The following PCDHA6 variants were observed in gnomAD, a reference collection of about 807,000 sequenced individuals.
PCDHA6 encodes the protein protocadherin alpha 6, also known as protocadherin alpha-6.
A neutral mutation model predicts 60.3 loss-of-function variants in PCDHA6; 55 were observed. That is an observed-to-expected ratio of 0.91 (90% CI 0.73 to 1.14). The LOEUF (loss-of-function observed/expected upper bound fraction) is 1.14. Among genes scored for constraint, PCDHA6 ranks in the 50% most tolerant of loss-of-function variants. The probability of loss-of-function intolerance (pLI) is 0.00; values close to 1 mark genes in which losing one functional copy is unlikely to be tolerated. For missense variants in PCDHA6, 1,327 were observed against 1,256.5 expected (o/e 1.06, Z -0.85); for synonymous variants, 652 against 557.9 (o/e 1.17, Z -2.38).
At chr5:140,838,277 C>T (rs1372363386) in intron 1 of PCDHA6, among the ~76,000 whole-genome samples, 8 of 74,794 alleles carry the variant, frequency 1.1e-4, no homozygotes, top group East Asian at 6.5e-4. Flanking sequence ...CCAAGCCATG[C>T]TAATTTTTTT....
At chr5:140,860,192 C>CATATATATATATATATATATATATAT (rs143984774) in intron 1 of PCDHA6, 76 of 146,806 alleles carry the variant, frequency 5.2e-4, no homozygotes, top group Middle Eastern at 3.6e-3. Flanking sequence ...GCTCTCCTTA[C>CATATATATATATATATATATATATAT]ATATATATCT....
At chr5:141,008,206 G>A (rs979113429) in intron 3 of PCDHA6, among the ~76,000 whole-genome samples, 1 of 152,184 alleles carries the variant, frequency 6.6e-6, no homozygotes, top group African/African-American at 2.4e-5. Flanking sequence ...TAATGAACTT[G>A]ACATGAGTTA....
intron 1 of PCDHA6, among the ~76,000 whole-genome samples, chr5:140,930,626 A>G (rs1554207971): frequency 6.6e-6 from 1 of 152,220 alleles, no homozygotes; most frequent in Non-Finnish European, 1.5e-5. Flanking sequence ...GGAGGTGTGT[A>G]GAAATTAAGG....
chr5:140,905,611 T>A (rs1396340503), intron 1 of PCDHA6, among the ~76,000 whole-genome samples: 1 of 152,224 alleles, frequency 6.6e-6, no homozygotes, highest in African/African-American at 2.4e-5. Flanking sequence ...ATTGAATCTA[T>A]AGATTGCTTT....
rs1554131961 is a variant in PCDHA6, at chr5:140,829,444, T to C, written c.1353T>C (p.Asn451=). Residue 451 remains asparagine, a synonymous_variant, in exon 1 of 4, where the codon AAT becomes AAC. Coordinates refer to ENST00000529310, the MANE Select transcript of PCDHA6 (RefSeq NM_018909.4). Reference sequence around the variant, plus strand: ...TGGAGGTGGCCGACATGAATGACAATGCTCCGGCGTTCGCGCAGCCCGAGT... The same window carrying C: ...TGGAGGTGGCCGACATGAATGACAACGCTCCGGCGTTCGCGCAGCCCGAGT... ...LSVEVADMND[N]APAFAQPEYT... is the part of the protein sequence containing the mutation. 6.8e-6 allele frequency: 11 copies of C among 1,613,940 alleles called. No homozygotes were observed. The East Asian group carries it at 1.3e-4, about 20-fold the overall frequency.
intron 1 of PCDHA6, chr5:140,870,001 G>C (rs782788057): frequency 1.2e-6 from 2 of 1,613,448 alleles, no homozygotes; most frequent in African/African-American, 1.3e-5. Context: ...AAATAATGGA[G>C]AAGTGAGGGT....
chr5:141,005,701 C>CAAAAAA (rs59860837), intron 3 of PCDHA6, among the ~76,000 whole-genome samples: 13 of 7,792 alleles, frequency 1.7e-3, no homozygotes, highest in East Asian at 3.2e-3. Context: ...AACTCCGTCT[C>CAAAAAA]AAAAAAAAAA....
intron 1 of PCDHA6, among the ~76,000 whole-genome samples, chr5:140,932,700 A>G (rs1584752908): frequency 6.6e-6 from 1 of 151,992 alleles, no homozygotes; most frequent in East Asian, 1.9e-4. Flanking sequence ...AAAAACTCAT[A>G]TAGACAACAC....
intron 1 of PCDHA6, among the ~76,000 whole-genome samples, chr5:140,951,140 C>G (rs1322025119): frequency 9.9e-6 from 1 of 100,842 alleles, no homozygotes; most frequent in Non-Finnish European, 2.0e-5. Context: ...TTTCCTTTAT[C>G]TTATTGAATA....
chr5:140,841,773 G>C (rs1292935559), intron 1 of PCDHA6: 2 of 1,613,894 alleles, frequency 1.2e-6, no homozygotes, highest in East Asian at 4.5e-5. Flanking sequence ...CCAGACTCTC[G>C]GTTTCCGCTA....
At chr5:140,841,950 T>C (rs1580983640) in intron 1 of PCDHA6, 1 of 1,613,892 alleles carries the variant, frequency 6.2e-7, no homozygotes. Context: ...GCGCACCACT[T>C]ATTCCTGACA....
intron 3 of PCDHA6, among the ~76,000 whole-genome samples, chr5:141,006,150 G>A (rs1035867146): frequency 1.1e-4 from 16 of 151,274 alleles, no homozygotes; most frequent in Admixed American, 6.6e-5. Flanking sequence ...AAGCAGAGGA[G>A]TGATATAATC....
chr5:140,877,121 C>A, intron 1 of PCDHA6: 1 of 1,613,694 alleles, frequency 6.2e-7, no homozygotes, highest in African/African-American at 1.3e-5. Flanking sequence ...AGCAACGTGA[C>A]GCTGCAGGTG....
At chr5:140,976,742 AC>A (rs1170747899) in intron 1 of PCDHA6, among the ~76,000 whole-genome samples, 1 of 151,778 alleles carries the variant, frequency 6.6e-6, no homozygotes, top group Admixed American at 6.6e-5. Context: ...CATTTTAAAA[AC>A]CTCCCAGATG....
At chr5:140,834,546 G>C in intron 1 of PCDHA6, 1 of 1,614,062 alleles carries the variant, frequency 6.2e-7, no homozygotes, top group South Asian at 1.1e-5. Flanking sequence ...CCTGGGGCTG[G>C]AGCTGGCGGA....
intron 1 of PCDHA6, among the ~76,000 whole-genome samples, chr5:140,839,879 G>A (rs1448032566): frequency 6.6e-6 from 1 of 151,996 alleles, no homozygotes; most frequent in East Asian, 1.9e-4. Flanking sequence ...AAGATGAATA[G>A]AATTTTGACA....
At position 141,003,524 on chromosome 5, in the gene PCDHA6, G is replaced by T. The variant is rs2098128799; in HGVS notation, c.2543-6103G>T. On this transcript the variant is annotated intron_variant, in intron 3 of 3. Coordinates refer to ENST00000529310, the MANE Select transcript of PCDHA6 (RefSeq NM_018909.4). ...GATGGGGTTTCACCATGTTCCCTAG[G>T]CTGGTCTTGAACTCCTGGCTTCAAG... 4.6e-5 allele frequency among the ~76,000 whole-genome samples: 7 copies of T among 152,070 alleles called. No individual in the cohort carries two copies. In the South Asian group the frequency reaches 1.5e-3, roughly 32 times the overall value.
intron 1 of PCDHA6, chr5:140,850,152 G>T (rs2150469849): frequency 1.3e-6 from 2 of 1,595,546 alleles, no homozygotes; most frequent in Middle Eastern, 2.0e-4. Context: ...GACGCTGCAG[G>T]TGTTCGTGCT....
At chr5:140,876,714 CCGCGAGAG>C in intron 1 of PCDHA6, 1 of 1,614,230 alleles carries the variant, frequency 6.2e-7, no homozygotes, top group East Asian at 2.2e-5. Context: ...GCGCCCTGGA[CCGCGAGAG>C]CGTGTCGGCC....
Sources: allele counts gnomAD v4.1 joint callset (sites outside exome capture counted in the v4.1 genomes callset), GRCh38; gene constraint gnomAD v4.1.1; transcripts MANE v1.5; gene names NCBI Gene and HGNC (gene_info 2026-07-23, HGNC 2026-07-21).